MTMR8: variants seen among roughly 807,000 people sequenced by gnomAD.
The protein encoded by MTMR8 is phosphatidylinositol-3,5-bisphosphate 3-phosphatase MTMR8.
In MTMR8, 65 loss-of-function variants were observed where a neutral mutation model predicts 39.3. That is an observed-to-expected ratio of 1.65 (90% CI 1.35 to 2.03). The LOEUF is 2.03. Among genes scored for constraint, MTMR8 ranks in the 30% most tolerant of loss-of-function variants. The pLI, the probability that MTMR8 is intolerant of heterozygous loss-of-function variation, is 0.00. For missense variants in MTMR8, 777 were observed against 538.9 expected, an observed-to-expected ratio of 1.44 and a Z score of -4.37; for synonymous variants, 245 against 185.2, an observed-to-expected ratio of 1.32 and a Z score of -2.62.
intron 4 of MTMR8, among the ~76,000 whole-genome samples, chrX:64,351,797 C>T (rs767696855): frequency 9.0e-6 from 1 of 111,250 alleles, no homozygotes; most frequent in East Asian, 2.9e-4. Flanking sequence ...AAGATGAAGA[C>T]TGGAAGATTC....
chrX:64,327,448 C>A (rs1047080880), intron 12 of MTMR8, among the ~76,000 whole-genome samples: 3 of 111,940 alleles, frequency 2.7e-5, no homozygotes, highest in African/African-American at 9.7e-5. Context: ...CACCAATCAT[C>A]ACGAAAATGC....
At chrX:64,341,427 C>T (rs920709694) in intron 8 of MTMR8, among the ~76,000 whole-genome samples, 5 of 99,780 alleles carry the variant, frequency 5.0e-5, no homozygotes, top group South Asian at 4.8e-4. Context: ...TGCAGTGAAC[C>T]GAGATCGTGC....
At chrX:64,278,763 T>C (rs1158267489) in intron 12 of MTMR8, among the ~76,000 whole-genome samples, 1 of 111,268 alleles carries the variant, frequency 9.0e-6, no homozygotes, top group Non-Finnish European at 1.9e-5. Flanking sequence ...TGAGCCACCA[T>C]GCCCAGCCAA....
At chrX:64,390,034 T>C (rs777267568) in intron 1 of MTMR8, among the ~76,000 whole-genome samples, 20 of 111,996 alleles carry the variant, frequency 1.8e-4, no homozygotes, top group South Asian at 1.5e-3. Flanking sequence ...GAAAAACACT[T>C]CTTTACCCAG....
chrX:64,270,375 A>G (rs1047974520), intron 13 of MTMR8, among the ~76,000 whole-genome samples: 9 of 112,255 alleles, frequency 8.0e-5, no homozygotes, highest in Non-Finnish European at 1.7e-4. Context: ...TCTAAGAGGT[A>G]CCTTTCCCCT....
chrX:64,271,010 C>T lies in MTMR8; in HGVS notation c.1545G>A (p.Glu515=). The stretch of plus-strand genomic sequence containing the variant: ...TCTGTTTCTTAATTTCCAGGAGGCT[C>T]TCTAGCATACTCTGCTTGGGCTGCA... The part of the protein sequence containing the change: ...KGLQPKQSML[E]SLLEIKKQRA... Residue 515 remains glutamate, a synonymous_variant, in exon 13 of 14, where the codon GAG becomes GAA. Coordinates refer to ENST00000374852, the MANE Select transcript of MTMR8 (RefSeq NM_017677.4). 1.7e-6 allele frequency: 2 copies of T among 1,209,359 alleles called. No individual in the cohort carries two copies. Among genetic ancestry groups the T allele is most frequent in the South Asian group, 1.8e-5 (1 of 56,668 alleles).
At chrX:64,347,614 C>A (rs1046579532) in intron 6 of MTMR8, among the ~76,000 whole-genome samples, 1 of 112,459 alleles carries the variant, frequency 8.9e-6, no homozygotes, top group African/African-American at 3.2e-5. Context: ...TCACAACCAT[C>A]TGGCTTAGGC....
intron 12 of MTMR8, among the ~76,000 whole-genome samples, chrX:64,321,179 A>C (rs1922634275): frequency 8.9e-6 from 1 of 112,045 alleles, no homozygotes; most frequent in Non-Finnish European, 1.9e-5. Flanking sequence ...CAGAAAAAAA[A>C]CAAAAACGTA....
At chrX:64,271,129 T>G in intron 12 of MTMR8, 56 bp from the exon 13 acceptor site, 1 of 1,087,028 alleles carries the variant, frequency 9.2e-7, no homozygotes, top group Admixed American at 3.3e-5. Flanking sequence ...AGTAATTGAT[T>G]ACCAATGTTT....
chrX:64,281,331 T>C (rs1477125720), intron 12 of MTMR8, among the ~76,000 whole-genome samples: 1 of 111,762 alleles, frequency 8.9e-6, no homozygotes, highest in Non-Finnish European at 1.9e-5. Flanking sequence ...CAAAACAGCA[T>C]GGTATTGGTC....
intron 12 of MTMR8, among the ~76,000 whole-genome samples, chrX:64,302,844 C>A (rs1162514479): frequency 8.9e-6 from 1 of 112,229 alleles, no homozygotes; most frequent in Non-Finnish European, 1.9e-5. Context: ...AGTTCCCTGA[C>A]CCACAGACTC....
intron 1 of MTMR8, among the ~76,000 whole-genome samples, chrX:64,375,762 C>A: frequency 8.9e-6 from 1 of 111,807 alleles, no homozygotes; most frequent in Non-Finnish European, 1.9e-5. Context: ...TCTTGGACTT[C>A]ACATCCTCCA....
At chrX:64,294,462 T>C (rs1921500003) in intron 12 of MTMR8, among the ~76,000 whole-genome samples, 1 of 111,888 alleles carries the variant, frequency 8.9e-6, no homozygotes, top group Non-Finnish European at 1.9e-5. Context: ...TGGCATTATA[T>C]TGATAAAATC....
rs1021240799 is a variant in MTMR8, at chrX:64,347,714, A to C, written c.732+946T>G. ...CTTTACATACCAAATTATAAGCAAAATTATTTCTTTCTGGGGCTGTTTGTA... is the reference window on the plus strand; with the variant it reads ...CTTTACATACCAAATTATAAGCAAACTTATTTCTTTCTGGGGCTGTTTGTA... On this transcript the variant is annotated intron_variant, in intron 6 of 13. Coordinates refer to ENST00000374852, the MANE Select transcript of MTMR8 (RefSeq NM_017677.4). Among the ~76,000 whole-genome samples the C allele has an allele frequency of 4.4e-5, 5 of 112,470 alleles. 1 individual carries two copies. The highest frequency in any genetic ancestry group is 1.6e-4 in the African/African-American group (5 of 30,978).
At chrX:64,286,102 G>A (rs1032945723) in intron 12 of MTMR8, among the ~76,000 whole-genome samples, 3 of 111,602 alleles carry the variant, frequency 2.7e-5, no homozygotes, top group African/African-American at 9.8e-5. Context: ...GAATAAAAGA[G>A]AGAAGAATCA....
chrX:64,362,491 A>C (rs1231889182), intron 1 of MTMR8, among the ~76,000 whole-genome samples: 2 of 98,905 alleles, frequency 2.0e-5, no homozygotes, highest in Middle Eastern at 4.9e-3. Context: ...AAAAAAAAAA[A>C]AAAAAAAAAA....
intron 12 of MTMR8, among the ~76,000 whole-genome samples, chrX:64,280,399 G>T (rs1265702237): frequency 8.9e-6 from 1 of 111,810 alleles, no homozygotes; most frequent in Non-Finnish European, 1.9e-5. Context: ...TCAACATACA[G>T]AAATCAATAA....
At chrX:64,334,858 G>A (rs776550584) in intron 10 of MTMR8, among the ~76,000 whole-genome samples, 68 of 111,616 alleles carry the variant, frequency 6.1e-4, no homozygotes, top group Non-Finnish European at 1.0e-3. Context: ...ATGGATAAAC[G>A]TCCTTTGTTT....
intron 6 of MTMR8, among the ~76,000 whole-genome samples, 164 bp from the exon 7 acceptor site, chrX:64,345,341 T>C (rs1321522319): frequency 8.9e-6 from 1 of 112,028 alleles, no homozygotes; most frequent in African/African-American, 3.2e-5. Flanking sequence ...CACTAGTTTT[T>C]ACATCAGGTA....
Sources: gnomAD v4.1 joint callset for allele counts (sites outside exome capture counted in the v4.1 genomes callset) on GRCh38, gnomAD v4.1.1 for gene constraint, MANE v1.5 for transcripts, NCBI Gene and HGNC (gene_info 2026-07-23, HGNC 2026-07-21) for gene names.